Variants in APP observed in about 807,000 individuals in gnomAD.
APP encodes the protein amyloid-beta precursor protein.
Under a neutral mutation model 101.4 loss-of-function variants are expected in APP, and 31 were observed. That is an observed-to-expected ratio of 0.31 (90% CI 0.23 to 0.41). The LOEUF is 0.41. Among genes scored for constraint, APP ranks in the 10% least tolerant of loss-of-function variants. The pLI, the probability that APP is intolerant of heterozygous loss-of-function variation, is 1.00. For synonymous variants in APP, 366 were observed against 364.4 expected, an observed-to-expected ratio of 1.00 and a Z score of -0.05; for missense variants, 839 against 1,003.7, an observed-to-expected ratio of 0.84 and a Z score of 2.22.
intron 7 of APP, among the ~76,000 whole-genome samples, 199 bp downstream of exon 7, chr21:25,999,816 T>C (rs1462860080): frequency 1.3e-5 from 2 of 152,206 alleles, no homozygotes; most frequent in African/African-American, 4.8e-5. Context: ...GGCCATGCTT[T>C]ATCAGGGAAA....
intron 2 of APP, among the ~76,000 whole-genome samples, chr21:26,102,889 CAAAAAAAAA>C (rs3084283): frequency 3.2e-5 from 2 of 63,088 alleles, no homozygotes; most frequent in African/African-American, 5.9e-5. Context: ...GACTCTGTCT[CAAAAAAAAA>C]AAAAAAAAAA....
chr21:26,085,849 C>T (rs1257454519), intron 3 of APP, among the ~76,000 whole-genome samples: 4 of 152,184 alleles, frequency 2.6e-5, no homozygotes, highest in African/African-American at 7.2e-5. Flanking sequence ...GAATACCTTT[C>T]TCATTTGACC....
At position 26,083,161 on chromosome 21, in the gene APP, A is replaced by G. The variant is rs45458397; in HGVS notation, c.355+6782T>C. Among the ~76,000 whole-genome samples the G allele has an allele frequency of 4.6e-5, 7 of 152,330 alleles. No individual in the cohort carries two copies. In the East Asian group the frequency reaches 1.2e-3, roughly 25 times the overall value. On this transcript the variant is annotated intron_variant, in intron 3 of 17. Transcript: ENST00000346798. ...GCGCATATATTTTATTACACCAACT[A>G]TAAGATTTGCAAGGCATTCCGCCAA...
intron 8 of APP, among the ~76,000 whole-genome samples, 167 bp from the exon 9 acceptor site, chr21:25,982,644 T>G (rs2042478556): frequency 4.6e-5 from 7 of 152,140 alleles, no homozygotes; most frequent in Admixed American, 3.3e-4. Flanking sequence ...CATGAGACAC[T>G]GTGCAGCACA....
At chr21:26,133,811 G>T (rs1232880511) in intron 1 of APP, among the ~76,000 whole-genome samples, 2 of 152,014 alleles carry the variant, frequency 1.3e-5, no homozygotes, top group Non-Finnish European at 2.9e-5. Flanking sequence ...AAAGAAAACA[G>T]TTCCCTGTCC....
rs116642836 is a variant in APP, at chr21:26,018,433, T to C, written c.865+3407A>G. Among the ~76,000 whole-genome samples, 791 of 152,346 alleles carry C rather than the reference T, an allele frequency of 5.2e-3. 6 individuals carry two copies. Among genetic ancestry groups the C allele is most frequent in the African/African-American group, 0.017 (695 of 41,582 alleles). On this transcript the variant is annotated intron_variant, in intron 6 of 17. Transcript: ENST00000346798. ...ACAAAATGAGTAATCACCTATGGCG[T>C]TGCCATTGCTCTCAATTAGGGAAGA...
At chr21:25,971,568 T>G (rs940466388) in intron 11 of APP, among the ~76,000 whole-genome samples, 3 of 152,132 alleles carry the variant, frequency 2.0e-5, no homozygotes, top group Admixed American at 6.5e-5. Context: ...AGGGTATTGG[T>G]GAGGAGAGAG....
intron 1 of APP, among the ~76,000 whole-genome samples, chr21:26,137,109 T>G (rs745341801): frequency 3.0e-4 from 45 of 152,154 alleles, no homozygotes; most frequent in Admixed American, 5.2e-4. Context: ...CCCAGCTAAT[T>G]TTTCCTATTT....
At chr21:25,976,670 A>G (rs2042235408) in intron 9 of APP, among the ~76,000 whole-genome samples, 1 of 152,246 alleles carries the variant, frequency 6.6e-6, no homozygotes, top group Non-Finnish European at 1.5e-5. Flanking sequence ...GAAAACATGT[A>G]ATATTCTGAA....
At chr21:26,098,169 CATATT>C (rs1463070708) in intron 2 of APP, among the ~76,000 whole-genome samples, 2 of 146,520 alleles carry the variant, frequency 1.4e-5, no homozygotes, top group Non-Finnish European at 3.0e-5. Context: ...AATCTTAGAT[CATATT>C]ATATTAATAT....
intron 11 of APP, among the ~76,000 whole-genome samples, chr21:25,970,170 T>A (rs1433258216): frequency 1.3e-5 from 2 of 152,046 alleles, no homozygotes; most frequent in Non-Finnish European, 2.9e-5. Context: ...TGTTGCCTAA[T>A]TCCATATGAA....
At chr21:26,044,783 C>T (rs974644630) in intron 5 of APP, among the ~76,000 whole-genome samples, 1 of 152,180 alleles carries the variant, frequency 6.6e-6, no homozygotes, top group African/African-American at 2.4e-5. Context: ...AGGCGATCGG[C>T]CCACCTCGGC....
At chr21:26,119,659 T>C (rs1430823772) in intron 1 of APP, among the ~76,000 whole-genome samples, 2 of 151,566 alleles carry the variant, frequency 1.3e-5, no homozygotes, top group African/African-American at 4.8e-5. Context: ...GCTACTTGTA[T>C]GGTATGTAGT....
chr21:25,911,640 C>T, intron 14 of APP, 101 bp downstream of exon 14: 1 of 1,079,910 alleles, frequency 9.3e-7, no homozygotes, highest in Non-Finnish European at 1.4e-6. Flanking sequence ...AAAAATTCAC[C>T]ACTCAAGAAC....
intron 5 of APP, among the ~76,000 whole-genome samples, chr21:26,036,438 A>G (rs1393640248): frequency 6.6e-6 from 1 of 152,174 alleles, no homozygotes; most frequent in Non-Finnish European, 1.5e-5. Flanking sequence ...AAGGTGATTT[A>G]TAGATAAAAG....
chr21:25,902,366 A>C (rs950929095), intron 15 of APP, among the ~76,000 whole-genome samples: 1 of 152,224 alleles, frequency 6.6e-6, no homozygotes, highest in East Asian at 1.9e-4. Flanking sequence ...ATGCTACAAA[A>C]CACGGGGAAA....
chr21:26,073,364 A>G (rs1412012778), intron 3 of APP, among the ~76,000 whole-genome samples: 1 of 152,174 alleles, frequency 6.6e-6, no homozygotes, highest in African/African-American at 2.4e-5. Flanking sequence ...GGGAGAATGC[A>G]CCCATCAACC....
At chr21:25,971,303 C>T (rs1396382320) in intron 11 of APP, among the ~76,000 whole-genome samples, 1 of 152,194 alleles carries the variant, frequency 6.6e-6, no homozygotes, top group Non-Finnish European at 1.5e-5. Flanking sequence ...GCCTTGGCCT[C>T]CCAAAGTGCT....
At chr21:25,913,599 G>A (rs1033529546) in intron 13 of APP, among the ~76,000 whole-genome samples, 1 of 152,174 alleles carries the variant, frequency 6.6e-6, no homozygotes, top group African/African-American at 2.4e-5. Context: ...AATTATTGGT[G>A]CATACACATT....
Sources: allele counts gnomAD v4.1 joint callset (sites outside exome capture counted in the v4.1 genomes callset), GRCh38; gene constraint gnomAD v4.1.1; transcripts MANE v1.5; gene names NCBI Gene and HGNC (gene_info 2026-07-23, HGNC 2026-07-21).